Variants in MAF observed in about 807,000 individuals in gnomAD.
MAF encodes the protein transcription factor Maf.
Under a neutral mutation model 22.0 loss-of-function variants are expected in MAF, and 10 were observed. That is an observed-to-expected ratio of 0.45 (90% confidence interval 0.28 to 0.77). MAF has a LOEUF of 0.77. Among genes scored for constraint, MAF ranks in the 30% least tolerant of loss-of-function variants. MAF has a pLI of 0.12. For synonymous variants in MAF, 337 were observed against 255.8 expected (o/e 1.32, Z -3.03); for missense variants, 544 against 548.4 (o/e 0.99, Z 0.08).
At chr16:79,412,381 A>T in the MAF span, among the ~76,000 whole-genome samples, 1 of 152,196 alleles carries the variant, frequency 6.6e-6, no homozygotes, top group African/African-American at 2.4e-5. Context: ...TAGGGTCCCC[A>T]TGTCTGTGTT....
At chr16:79,471,756 A>G in the MAF span, among the ~76,000 whole-genome samples, 4 of 152,240 alleles carry the variant, frequency 2.6e-5, no homozygotes. Context: ...TGCCTAGGAC[A>G]GCTGATAAGT....
chr16:79,542,943 T>C, the MAF span, among the ~76,000 whole-genome samples: 27 of 152,278 alleles, frequency 1.8e-4, no homozygotes, highest in South Asian at 4.2e-4. Context: ...AATTATCCCA[T>C]TGTGTGACCT....
At chr16:79,437,346 C>T in the MAF span, among the ~76,000 whole-genome samples, 290 of 152,282 alleles carry the variant, frequency 1.9e-3, 1 homozygote, top group African/African-American at 6.3e-3. Context: ...AACATGAAGA[C>T]GTACATTACA....
the MAF span, among the ~76,000 whole-genome samples, chr16:79,392,768 C>T: frequency 1.3e-5 from 2 of 152,136 alleles, no homozygotes; most frequent in Admixed American, 6.5e-5. Flanking sequence ...AAGTCCATCT[C>T]GCTATCCCCA....
At chr16:79,429,889 G>C in the MAF span, among the ~76,000 whole-genome samples, 1 of 152,144 alleles carries the variant, frequency 6.6e-6, no homozygotes, top group Non-Finnish European at 1.5e-5. Context: ...ATAATTTGTA[G>C]GTCTTGCTGG....
At chr16:79,357,739 G>A in the MAF span, among the ~76,000 whole-genome samples, 6 of 151,914 alleles carry the variant, frequency 3.9e-5, no homozygotes, top group African/African-American at 4.8e-5. Flanking sequence ...TCAGGGAATA[G>A]CATTTGGATG....
chr16:79,282,027 G>T, the MAF span, among the ~76,000 whole-genome samples: 1 of 152,164 alleles, frequency 6.6e-6, no homozygotes, highest in African/African-American at 2.4e-5. Context: ...AAAAGGCCGG[G>T]TGCAGTGGCT....
chr16:79,431,452 G>C, the MAF span, among the ~76,000 whole-genome samples: 8 of 152,116 alleles, frequency 5.3e-5, no homozygotes, highest in Non-Finnish European at 1.0e-4. Context: ...TCTTAATACC[G>C]TACATACATA....
the MAF span, among the ~76,000 whole-genome samples, chr16:79,511,575 G>T: frequency 9.2e-5 from 14 of 152,164 alleles, no homozygotes; most frequent in Non-Finnish European, 1.8e-4. Flanking sequence ...AGATGTGTGC[G>T]GTGTTACATG....
downstream of MAF, among the ~76,000 whole-genome samples, chr16:79,590,879 C>T (rs1019139687): frequency 1.3e-5 from 2 of 152,090 alleles, no homozygotes; most frequent in African/African-American, 4.8e-5. Context: ...GGATCCTCGG[C>T]CTGCTTTCCT....
At chr16:79,301,375 A>G in the MAF span, among the ~76,000 whole-genome samples, 1 of 152,026 alleles carries the variant, frequency 6.6e-6, no homozygotes, top group African/African-American at 2.4e-5. Context: ...ATGAACCGGA[A>G]GCTCAATTAG....
At chr16:79,487,324 A>G in the MAF span, among the ~76,000 whole-genome samples, 6 of 152,160 alleles carry the variant, frequency 3.9e-5, no homozygotes, top group African/African-American at 1.4e-4. Flanking sequence ...CATCGACGGA[A>G]AGCAGCCTGA....
At chr16:79,380,367 A>T in the MAF span, among the ~76,000 whole-genome samples, 2 of 152,216 alleles carry the variant, frequency 1.3e-5, no homozygotes, top group African/African-American at 4.8e-5. Context: ...GTAATAATTA[A>T]CAATAGTAGT....
At chr16:79,503,848 C>T in the MAF span, among the ~76,000 whole-genome samples, 2 of 152,178 alleles carry the variant, frequency 1.3e-5, no homozygotes, top group Admixed American at 1.3e-4. Context: ...CTGTCATTAT[C>T]TTATTTTTAC....
the MAF span, among the ~76,000 whole-genome samples, chr16:79,233,388 AG>A: frequency 6.6e-6 from 1 of 152,004 alleles, no homozygotes; most frequent in East Asian, 1.9e-4. Context: ...GTGCAACTGC[AG>A]GTGGTAACAT....
chr16:79,537,856 T>C, the MAF span, among the ~76,000 whole-genome samples: 3 of 152,218 alleles, frequency 2.0e-5, no homozygotes, highest in African/African-American at 4.8e-5. Flanking sequence ...GAGCACCTTC[T>C]ATATTTCAGG....
the MAF span, among the ~76,000 whole-genome samples, chr16:79,520,139 T>C: frequency 6.6e-6 from 1 of 152,212 alleles, no homozygotes; most frequent in Non-Finnish European, 1.5e-5. Context: ...AGCAGGCGCC[T>C]GCTAACTCTG....
the MAF span, among the ~76,000 whole-genome samples, chr16:79,308,349 A>G: frequency 6.6e-6 from 1 of 152,238 alleles, no homozygotes; most frequent in Non-Finnish European, 1.5e-5. Flanking sequence ...TCCAAACTTC[A>G]GAGAGGCCAT....
At chr16:79,398,481 C>A in the MAF span, among the ~76,000 whole-genome samples, 1 of 152,146 alleles carries the variant, frequency 6.6e-6, no homozygotes, top group African/African-American at 2.4e-5. Flanking sequence ...ATCCAATCTG[C>A]TGCAGAAGAG....
Sources: gnomAD v4.1 joint callset for allele counts (sites outside exome capture counted in the v4.1 genomes callset) on GRCh38, gnomAD v4.1.1 for gene constraint, MANE v1.5 for transcripts, NCBI Gene and HGNC (gene_info 2026-07-23, HGNC 2026-07-21) for gene names.